The following CCDC149 variants were observed in gnomAD, a reference collection of about 807,000 sequenced individuals.
CCDC149 encodes coiled-coil domain containing 149.
A neutral mutation model predicts 59.9 loss-of-function variants in CCDC149; 45 were observed. The observed-to-expected ratio is 0.75, with a 90% confidence interval of 0.59 to 0.96. The LOEUF (loss-of-function observed/expected upper bound fraction) is 0.96, where lower values mean the gene tolerates loss of function less well. Among genes scored for constraint, CCDC149 ranks in the 40% least tolerant of loss-of-function variants. CCDC149 has a pLI of 0.00. For synonymous variants in CCDC149, 245 were observed against 260.6 expected (o/e 0.94, Z 0.58); for missense variants, 584 against 664.7 (o/e 0.88, Z 1.33).
At chr4:24,873,840 C>A (rs1284282409) in intron 2 of CCDC149, 121 bp from the exon 3 acceptor site, 5 of 687,490 alleles carry the variant, frequency 7.3e-6, no homozygotes, top group Non-Finnish European at 1.3e-5. Flanking sequence ...ACCCTGCAGC[C>A]AGTAATGTGC....
At chr4:24,934,982 A>G (rs1722698516) in intron 1 of CCDC149, among the ~76,000 whole-genome samples, 1 of 152,214 alleles carries the variant, frequency 6.6e-6, no homozygotes, top group African/African-American at 2.4e-5. Flanking sequence ...GAAGAGTAAC[A>G]TGAAATGGCT....
At chr4:24,951,967 AC>A (rs982340164) in intron 1 of CCDC149, among the ~76,000 whole-genome samples, 2 of 152,100 alleles carry the variant, frequency 1.3e-5, no homozygotes, top group African/African-American at 4.8e-5. Context: ...GAAGGACGAG[AC>A]CTTTTCCTTT....
chr4:24,908,425 C>T (rs1227189398), intron 1 of CCDC149, among the ~76,000 whole-genome samples: 7 of 151,722 alleles, frequency 4.6e-5, no homozygotes, highest in Admixed American at 1.3e-4. Context: ...AGGCCAGGCA[C>T]GGTGGCTCAT....
intron 12 of CCDC149, among the ~76,000 whole-genome samples, chr4:24,809,829 T>C (rs763032516): frequency 4.9e-4 from 75 of 152,172 alleles, no homozygotes; most frequent in Non-Finnish European, 9.1e-4. Context: ...TGCTATCATA[T>C]ATGCGCAGGT....
At chr4:24,943,156 G>A (rs562811942) in intron 1 of CCDC149, among the ~76,000 whole-genome samples, 1 of 152,202 alleles carries the variant, frequency 6.6e-6, no homozygotes, top group East Asian at 1.9e-4. Context: ...TATACTACAA[G>A]GCTACGGTAA....
At chr4:24,907,307 A>C (rs551975526) in intron 1 of CCDC149, among the ~76,000 whole-genome samples, 1 of 152,312 alleles carries the variant, frequency 6.6e-6, no homozygotes, top group African/African-American at 2.4e-5. Flanking sequence ...CAGAGAAGTT[A>C]CATGGTGCAG....
chr4:24,970,187 G>A (rs553184298), intron 1 of CCDC149, among the ~76,000 whole-genome samples: 1 of 152,302 alleles, frequency 6.6e-6, no homozygotes, highest in Admixed American at 6.5e-5. Flanking sequence ...TCCGTCATAG[G>A]TTAACATGCT....
chr4:24,916,098 T>C (rs1722112225), upstream of CCDC149, among the ~76,000 whole-genome samples: 1 of 152,234 alleles, frequency 6.6e-6, no homozygotes, highest in Admixed American at 6.5e-5. Flanking sequence ...TTGTCTTAAA[T>C]GTGCCACCCT....
In CCDC149 at chr4:24,938,595, G is replaced by A. The variant is rs184093894; in HGVS notation, c.-65+41474C>T. Among the ~76,000 whole-genome samples, 401 of 152,332 alleles carry A rather than the reference G, an allele frequency of 2.6e-3. 5 individuals carry two copies. The highest frequency in any genetic ancestry group is 9.2e-3 in the African/African-American group (381 of 41,568). On this transcript the variant is annotated intron_variant, in intron 1 of 12. Transcript: ENST00000389609. ...TGGGCGTGAGCCGAAGCAGGGCGAG[G>A]AATCACTTCACCCAGGAAGTGCAAG...
At position 24,834,910 on chromosome 4, in the gene CCDC149, C is replaced by T. The variant is rs545113437; in HGVS notation, c.820+38G>A. On this transcript the variant is annotated intron_variant, in intron 8 of 12. Transcript: ENST00000635206. ...GTGGGCTTGCAGCTCTAGTATTTTA[C>T]GCTCATGAGCGGTCTCTCCTGGAGC... 3.0e-5 allele frequency: 45 copies of T among 1,480,018 alleles called. No individual in the cohort carries two copies. The East Asian group carries it at 5.7e-4, about 19-fold the overall frequency. 91.7% of individuals were successfully genotyped at this position (1,480,018 alleles called of 1,614,324 possible). A position where few individuals can be genotyped will look rare whatever the true frequency, so the allele number is the denominator to read the frequency against.
At chr4:24,803,749 A>G (rs1560191488), downstream of CCDC149, among the ~76,000 whole-genome samples, 1 of 152,234 alleles carries the variant, frequency 6.6e-6, no homozygotes, top group East Asian at 1.9e-4. This position sits in a 1 kb window ranked among gnomAD's most constrained non-coding sequence, Gnocchi z 4.3. Flanking sequence ...GCTCACATAG[A>G]TTCCAGAAAG....
chr4:24,836,471 C>T lies in CCDC149; in HGVS notation c.700G>A (p.Val234Ile), dbSNP rs1387953927. 3.1e-6 allele frequency: 5 copies of T among 1,612,838 alleles called. No homozygotes were observed. The highest frequency in any genetic ancestry group is 4.2e-6 in the Non-Finnish European group (5 of 1,179,122). Residue 234 changes from valine to isoleucine, a missense_variant, in exon 7 of 13, where the codon GTC becomes ATC. Coordinates refer to ENST00000635206, the MANE Select transcript of CCDC149 (RefSeq NM_001330643.2). ...GCAATGTTTGATTTCAAGAGGTTGA[C>T]CTCTTCATGGAGTTGCTTTAATCTC...
rs1560209984 is a variant in CCDC149 at position 24,837,409 on chromosome 4, AC to A, written c.490-10del. 6.2e-7 allele frequency: 1 copy of A among 1,613,766 alleles called. No homozygotes were observed. Among genetic ancestry groups the A allele is most frequent in the Non-Finnish European group, 8.5e-7 (1 of 1,179,796 alleles). ...TGCTCCAGAGACTCAATCTAAAACC[AC>A]AGGGAGAGCCCTTACTCAAGATGTT... On this transcript the variant is annotated splice_polypyrimidine_tract_variant and intron_variant, in intron 5 of 12. Transcript: ENST00000635206. This position sits in a 1 kb window ranked among gnomAD's most constrained non-coding sequence, Gnocchi z 4.3.
intron 3 of CCDC149, among the ~76,000 whole-genome samples, chr4:24,854,353 G>T (rs899215370): frequency 6.6e-6 from 1 of 152,256 alleles, no homozygotes; most frequent in Non-Finnish European, 1.5e-5. Flanking sequence ...TGCTTCCTCT[G>T]CTTCCATGTG....
chr4:24,924,949 A>G (rs1411831572), intron 1 of CCDC149, among the ~76,000 whole-genome samples: 2 of 152,232 alleles, frequency 1.3e-5, no homozygotes, highest in Non-Finnish European at 2.9e-5. Flanking sequence ...CATCTCATAT[A>G]CAAAATGAAT....
chr4:24,979,077 C>A (rs1002856380), intron 1 of CCDC149, among the ~76,000 whole-genome samples: 1 of 152,130 alleles, frequency 6.6e-6, no homozygotes, highest in Non-Finnish European at 1.5e-5. Flanking sequence ...CAAATGGAAG[C>A]CAGTAAAGGG....
At chr4:24,873,078 A>C (rs1719149394) in intron 3 of CCDC149, among the ~76,000 whole-genome samples, 1 of 152,004 alleles carries the variant, frequency 6.6e-6, no homozygotes, top group Admixed American at 6.5e-5. Context: ...AACAGCAGGC[A>C]CCCACAGAAT....
chr4:24,858,292 G>C (rs1718153191), intron 3 of CCDC149, among the ~76,000 whole-genome samples: 2 of 152,220 alleles, frequency 1.3e-5, no homozygotes, highest in African/African-American at 4.8e-5. Context: ...GCCTGCCTAA[G>C]ACTGGGTTTC....
chr4:24,954,826 C>T lies in CCDC149; in HGVS notation c.-65+25243G>A, dbSNP rs147576876. 1.7e-3 allele frequency among the ~76,000 whole-genome samples: 259 copies of T among 152,320 alleles called. 3 individuals carry two copies. The highest frequency in any genetic ancestry group is 6.1e-3 in the African/African-American group (252 of 41,568). ...TTGATGAATAGCACCTGGGTGCTTTCTATTCATACTGATCTTATCAAATGG... is the reference window on the plus strand; with the variant it reads ...TTGATGAATAGCACCTGGGTGCTTTTTATTCATACTGATCTTATCAAATGG... On this transcript the variant is annotated intron_variant, in intron 1 of 12. Transcript: ENST00000389609.
Sources: gnomAD v4.1 joint callset for allele counts (sites outside exome capture counted in the v4.1 genomes callset) on GRCh38, gnomAD v4.1.1 for gene constraint, Gnocchi (gnomAD v3.1) non-coding constraint, MANE v1.5 for transcripts, NCBI Gene and HGNC (gene_info 2026-07-23, HGNC 2026-07-21) for gene names.